Variants in DPP10 observed in about 807,000 individuals in gnomAD.
The protein encoded by DPP10 is dipeptidyl peptidase like 10, also known as inactive dipeptidyl peptidase 10.
DPP10 carries 33 observed loss-of-function variants against 120.9 expected under a neutral mutation model. That is an observed-to-expected ratio of 0.27 (90% CI 0.21 to 0.37). The LOEUF (loss-of-function observed/expected upper bound fraction) is 0.37. Among genes scored for constraint, DPP10 ranks in the 10% least tolerant of loss-of-function variants. The pLI, the probability that DPP10 is intolerant of heterozygous loss-of-function variation, is 1.00. For missense variants in DPP10, 816 were observed against 942.8 expected (o/e 0.87, Z 1.76); for synonymous variants, 337 against 326.1 (o/e 1.03, Z -0.36).
intron 1 of DPP10, among the ~76,000 whole-genome samples, chr2:115,092,063 G>A (rs1474270644): frequency 1.3e-5 from 2 of 152,080 alleles, no homozygotes; most frequent in African/African-American, 4.8e-5. Flanking sequence ...CACCAGCCCA[G>A]GACTCTGTTG....
chr2:115,412,241 A>G (rs1254858725), intron 3 of DPP10, among the ~76,000 whole-genome samples: 1 of 152,162 alleles, frequency 6.6e-6, no homozygotes, highest in Non-Finnish European at 1.5e-5. Flanking sequence ...GTTCACATTT[A>G]ATTAACTGTC....
chr2:115,159,083 A>C (rs563373390), intron 1 of DPP10, among the ~76,000 whole-genome samples: 1 of 152,286 alleles, frequency 6.6e-6, no homozygotes, highest in East Asian at 1.9e-4. Flanking sequence ...GATTTATAAC[A>C]TCAACATATC....
At chr2:115,582,109 TG>T (rs2082032989) in intron 5 of DPP10, among the ~76,000 whole-genome samples, 1 of 152,142 alleles carries the variant, frequency 6.6e-6, no homozygotes, top group Admixed American at 6.5e-5. Flanking sequence ...GAGATCCAAG[TG>T]CCCCATCTGA....
Position 115,109,495 on chromosome 2 carries a change from T to C in DPP10, c.61-199744T>C, listed in dbSNP as rs187317201. ...AGGTTGCAGTGAGCTGAGATTGCTC[T>C]ACTGCACTCCAGCCTGGCAACAGAG... On this transcript the variant is annotated intron_variant, in intron 1 of 25. Transcript: ENST00000410059. Among the ~76,000 whole-genome samples, 340 of 151,346 alleles carry C rather than the reference T, an allele frequency of 2.2e-3. 1 individual carries two copies. The highest frequency in any genetic ancestry group is 7.8e-3 in the African/African-American group (319 of 41,130).
intron 7 of DPP10, among the ~76,000 whole-genome samples, chr2:115,708,965 T>C (rs959103438): frequency 6.6e-6 from 1 of 152,060 alleles, no homozygotes; most frequent in Non-Finnish European, 1.5e-5. Flanking sequence ...AACCCTGATA[T>C]AGAAGAGCAA....
At chr2:115,520,299 C>G (rs1434018407) in intron 4 of DPP10, among the ~76,000 whole-genome samples, 2 of 152,110 alleles carry the variant, frequency 1.3e-5, no homozygotes, top group Non-Finnish European at 2.9e-5. Context: ...GCCCGGGTGA[C>G]AGTGCGAGAC....
intron 1 of DPP10, among the ~76,000 whole-genome samples, chr2:114,773,286 T>A (rs13423634): frequency 1.3e-5 from 2 of 151,698 alleles, no homozygotes; most frequent in Admixed American, 6.5e-5. Context: ...ATCTTAATTG[T>A]TATGGTAGTT....
chr2:115,031,110 C>A (rs529064216), intron 1 of DPP10, among the ~76,000 whole-genome samples: 12 of 152,134 alleles, frequency 7.9e-5, no homozygotes, highest in Non-Finnish European at 1.5e-4. Flanking sequence ...AAGCACCATG[C>A]AAGAGGCTTA....
At chr2:115,121,301 G>A (rs1219324065) in intron 1 of DPP10, among the ~76,000 whole-genome samples, 1 of 152,200 alleles carries the variant, frequency 6.6e-6, no homozygotes, top group Non-Finnish European at 1.5e-5. Flanking sequence ...CGAGGGAAGT[G>A]ATACCATTTT....
chr2:115,803,352 T>C (rs998585468), intron 19 of DPP10, among the ~76,000 whole-genome samples: 2 of 152,180 alleles, frequency 1.3e-5, no homozygotes, highest in Non-Finnish European at 2.9e-5. Context: ...GTTTTCTGAA[T>C]ACAGCACACT....
At chr2:114,997,341 A>AAT (rs1438501405) in intron 1 of DPP10, among the ~76,000 whole-genome samples, 2 of 150,712 alleles carry the variant, frequency 1.3e-5, no homozygotes, top group Admixed American at 1.3e-4. Context: ...AAAAAAAAAA[A>AAT]ATTAGCTGAT....
rs143276942 is a variant in DPP10, at chr2:114,847,053, C to CTATCATATCATATCA, written c.60+404230_60+404244dup. Among the ~76,000 whole-genome samples, 1,492 of 152,044 alleles carry CTATCATATCATATCA rather than the reference C, an allele frequency of 9.8e-3. 20 individuals are homozygous for CTATCATATCATATCA. The highest frequency in any genetic ancestry group is 0.034 in the African/African-American group (1,425 of 41,420). ...TCTAGATTCTTCTGAGGCAGTGGTG[C>CTATCATATCATATCA]TATCATATCATATCATATCATATCA... On this transcript the variant is annotated intron_variant, in intron 1 of 25. Coordinates refer to ENST00000410059, the MANE Select transcript of DPP10 (RefSeq NM_020868.6).
chr2:115,756,870 A>G (rs1454153736), intron 11 of DPP10, among the ~76,000 whole-genome samples: 3 of 152,082 alleles, frequency 2.0e-5, no homozygotes, highest in East Asian at 3.9e-4. Flanking sequence ...ACAGAAGGGC[A>G]AAGAGAGGGT....
chr2:115,538,002 A>G (rs2078962479), intron 5 of DPP10, among the ~76,000 whole-genome samples: 1 of 151,960 alleles, frequency 6.6e-6, no homozygotes, highest in Non-Finnish European at 1.5e-5. Flanking sequence ...CCCCCAGTCT[A>G]GGTAATCCAA....
At chr2:115,413,827 C>T (rs1386262662) in intron 3 of DPP10, among the ~76,000 whole-genome samples, 1 of 152,200 alleles carries the variant, frequency 6.6e-6, no homozygotes, top group Non-Finnish European at 1.5e-5. Flanking sequence ...GTTTGAGATA[C>T]TAGTGGTTAA....
At chr2:114,740,130 G>T (rs1254593635) in intron 1 of DPP10, among the ~76,000 whole-genome samples, 2 of 151,006 alleles carry the variant, frequency 1.3e-5, no homozygotes, top group Non-Finnish European at 2.9e-5. Flanking sequence ...ATGATAGACT[G>T]GATTAAGAAA....
chr2:115,708,715 G>A (rs2092217839), intron 7 of DPP10, among the ~76,000 whole-genome samples: 1 of 151,828 alleles, frequency 6.6e-6, no homozygotes, highest in Non-Finnish European at 1.5e-5. Flanking sequence ...AATGACATTT[G>A]TAAACATACT....
chr2:115,428,560 G>A (rs998697834), intron 3 of DPP10, among the ~76,000 whole-genome samples: 2 of 151,998 alleles, frequency 1.3e-5, no homozygotes, highest in Non-Finnish European at 2.9e-5. Context: ...AGAGAGGTAG[G>A]GGAGGTGCCA....
At chr2:114,528,293 C>T (rs1243156793) in intron 1 of DPP10, among the ~76,000 whole-genome samples, 8 of 152,130 alleles carry the variant, frequency 5.3e-5, no homozygotes, top group African/African-American at 1.4e-4. Context: ...GAAGAGGATT[C>T]GTGTTAATGT....
Sources: gnomAD v4.1 joint callset for allele counts (sites outside exome capture counted in the v4.1 genomes callset) on GRCh38, gnomAD v4.1.1 for gene constraint, MANE v1.5 for transcripts, NCBI Gene and HGNC (gene_info 2026-07-23, HGNC 2026-07-21) for gene names.